ZC3HAV1L: variants seen among roughly 807,000 people sequenced by gnomAD.
The protein encoded by ZC3HAV1L is ZC3HAV1 like.
A neutral mutation model predicts 28.2 loss-of-function variants in ZC3HAV1L; 23 were observed. That is an observed-to-expected ratio of 0.82 (90% CI 0.59 to 1.16). The LOEUF is 1.16. ZC3HAV1L is among the 50% of genes most tolerant of loss of function. ZC3HAV1L has a pLI of 0.00. For missense variants in ZC3HAV1L, 376 were observed against 387.7 expected (o/e 0.97, Z 0.25); for synonymous variants, 180 against 163.4 (o/e 1.10, Z -0.78).
At position 139,035,662 on chromosome 7, in the gene ZC3HAV1L, C is replaced by T; in HGVS notation, c.356G>A (p.Arg119Gln). Reference sequence around the variant, plus strand: ...GCCGCCGCCTTCTCACCAGCAGTCCCGGTTGGGGCACTTGCCCAGCATGTG... The same window carrying T: ...GCCGCCGCCTTCTCACCAGCAGTCCTGGTTGGGGCACTTGCCCAGCATGTG... ...RRHMLGKCPNRDCWSTCTLSH... is the reference protein window; with the variant it reads ...RRHMLGKCPNQDCWSTCTLSH... Residue 119 changes from arginine (R) to glutamine (Q), a missense_variant, in exon 1 of 5, where the codon CGG (arginine) becomes CAG (glutamine). Transcript: ENST00000275766. The T allele has an allele frequency of 1.5e-5, 22 of 1,452,926 alleles. No individual in the cohort carries two copies. Among genetic ancestry groups the T allele is most frequent in the Non-Finnish European group, 2.0e-5 (22 of 1,111,706 alleles). The allele number at this position is 1,452,926 out of a possible 1,614,324, so 90.0% of individuals were successfully genotyped here. A position where few individuals can be genotyped will look rare whatever the true frequency, so the allele number is the denominator to read the frequency against.
intron 3 of ZC3HAV1L, among the ~76,000 whole-genome samples, chr7:139,028,298 G>A (rs980264299): frequency 1.3e-5 from 2 of 151,368 alleles, no homozygotes; most frequent in Non-Finnish European, 1.5e-5. Context: ...GCTTGAACCC[G>A]GGAGGCAGAG....
At chr7:139,033,758 T>C (rs1156735200) in intron 2 of ZC3HAV1L, 2 of 985,268 alleles carry the variant, frequency 2.0e-6, no homozygotes, top group Non-Finnish European at 2.4e-6. Context: ...CAAAAAGTAC[T>C]ATAAAATTAA....
intron 2 of ZC3HAV1L, among the ~76,000 whole-genome samples, chr7:139,033,511 C>T (rs1815598059): frequency 6.6e-6 from 1 of 152,132 alleles, no homozygotes; most frequent in African/African-American, 2.4e-5. Flanking sequence ...CCCTGCTGCC[C>T]ACATGATCAC....
At chr7:139,022,284 C>T, downstream of ZC3HAV1L, 1 of 242,652 alleles carries the variant, frequency 4.1e-6, no homozygotes, top group South Asian at 4.4e-5. Context: ...TGGCTCATGC[C>T]TGTAATCCCA....
At position 139,035,640 on chromosome 7, in the gene ZC3HAV1L, G is replaced by C. The variant is rs748680843; in HGVS notation, c.365+13C>G. The stretch of plus-strand genomic sequence containing the variant: ...CCAGCGCCCACAGTCCCCGCCCGCC[G>C]CCGCCTTCTCACCAGCAGTCCCGGT... On this transcript the variant is annotated intron_variant, in intron 1 of 4. Coordinates refer to ENST00000275766, the MANE Select transcript of ZC3HAV1L (RefSeq NM_080660.4). The C allele has an allele frequency of 1.4e-6, 2 of 1,393,220 alleles. No individual in the cohort carries two copies. Among genetic ancestry groups the C allele is most frequent in the East Asian group, 6.1e-5 (2 of 33,046 alleles). The allele number at this position is 1,393,220 out of a possible 1,614,324, so 86.3% of individuals were successfully genotyped here.
intron 2 of ZC3HAV1L, among the ~76,000 whole-genome samples, chr7:139,029,420 T>C (rs763856324): frequency 6.6e-6 from 1 of 152,216 alleles, no homozygotes; most frequent in Non-Finnish European, 1.5e-5. Flanking sequence ...GGGGAAAGCC[T>C]GATGATAGTG....
At chr7:139,024,396 T>C (rs1284214854), downstream of ZC3HAV1L, among the ~76,000 whole-genome samples, 3 of 152,194 alleles carry the variant, frequency 2.0e-5, no homozygotes, top group Non-Finnish European at 4.4e-5. Context: ...AGCAAGTCTC[T>C]CAATGTAAAG....
downstream of ZC3HAV1L, among the ~76,000 whole-genome samples, chr7:139,022,653 CT>C (rs1369631143): frequency 7.2e-5 from 11 of 152,202 alleles, no homozygotes; most frequent in Admixed American, 2.0e-4. Flanking sequence ...TATGTCTTCA[CT>C]ACCAAGTGTT....
intron 1 of ZC3HAV1L, chr7:139,035,252 C>G: frequency 1.0e-6 from 1 of 985,426 alleles, no homozygotes; most frequent in Non-Finnish European, 1.2e-6. Context: ...TATGGGGGAG[C>G]AGCGATTTCC....
intron 2 of ZC3HAV1L, among the ~76,000 whole-genome samples, chr7:139,031,904 C>CA (rs946983877): frequency 2.0e-5 from 3 of 151,934 alleles, no homozygotes; most frequent in African/African-American, 7.2e-5. Flanking sequence ...GATTCCATCT[C>CA]AAAAAAACAA....
downstream of ZC3HAV1L, among the ~76,000 whole-genome samples, chr7:139,023,204 A>AG (rs1815283901): frequency 6.7e-6 from 1 of 150,032 alleles, no homozygotes; most frequent in Non-Finnish European, 1.5e-5. Context: ...AAAAAAAAAC[A>AG]GGGAATATCA....
At position 139,026,493 on chromosome 7, in the gene ZC3HAV1L, C is replaced by A; in HGVS notation, c.*51G>T. The A allele has an allele frequency of 6.2e-7, 1 of 1,610,266 alleles. No individual in the cohort carries two copies. Among genetic ancestry groups the A allele is most frequent in the Non-Finnish European group, 8.5e-7 (1 of 1,179,228 alleles). On this transcript the variant is annotated 3_prime_UTR_variant, in exon 5 of 5. Coordinates refer to ENST00000275766, the MANE Select transcript of ZC3HAV1L (RefSeq NM_080660.4). ...ATGTCCCACCCCATCCCCAACCACC[C>A]ATGCCCAAATGTATTCTTCCAAAAG...
At chr7:139,025,157 G>A (rs566988658), downstream of ZC3HAV1L, among the ~76,000 whole-genome samples, 5 of 152,252 alleles carry the variant, frequency 3.3e-5, no homozygotes, top group South Asian at 1.0e-3. Flanking sequence ...TAAAAGCTCA[G>A]CAAGAAATGA....
intron 1 of ZC3HAV1L, 83 bp downstream of exon 1, chr7:139,035,570 C>T (rs974005534): frequency 4.4e-5 from 59 of 1,341,024 alleles, no homozygotes; most frequent in Non-Finnish European, 4.9e-5. Flanking sequence ...GACGAAGCCC[C>T]CCTTCCCGTC....
rs781207716 is a variant in ZC3HAV1L, at chr7:139,026,728, G to A, written c.866C>T (p.Ser289Leu). 42 of 1,613,940 alleles carry A rather than the reference G, an allele frequency of 2.6e-5. No individual in the cohort carries two copies. Among genetic ancestry groups the A allele is most frequent in the East Asian group, 6.7e-5 (3 of 44,902 alleles). The stretch of plus-strand genomic sequence containing the variant: ...TTTACCTGGGCAGGGCTTCTTGGCC[G>A]ACTGAGCAGGGACAGAAGCCAGAGG... Reference protein sequence around the residue: ...AGPLASVPAQSAKKPCPVSCE... With the variant: ...AGPLASVPAQLAKKPCPVSCE... Residue 289 changes from serine to leucine, a missense_variant, in exon 4 of 5, where the codon TCG (serine) becomes TTG (leucine). Transcript: ENST00000275766.
In ZC3HAV1L at chr7:139,034,698, G is replaced by A. The variant is rs751447692; in HGVS notation, c.366-20C>T. ...GTAGACCTAAAAGAACAAAGCCCTC[G>A]GTCAGATGCCCAGGTGAAGAAGGAC... On this transcript the variant is annotated intron_variant, in intron 1 of 4. Coordinates refer to ENST00000275766, the MANE Select transcript of ZC3HAV1L (RefSeq NM_080660.4). The A allele has an allele frequency of 3.1e-6, 5 of 1,612,812 alleles. No individual in the cohort carries two copies. The highest frequency in any genetic ancestry group is 1.6e-4 in the Middle Eastern group (1 of 6,070).
In ZC3HAV1L at chr7:139,026,772, A is replaced by C. The variant is rs769412466; in HGVS notation, c.822T>G (p.Ala274=). 6.2e-7 allele frequency: 1 copy of C among 1,614,220 alleles called. No homozygotes were observed. The highest frequency in any genetic ancestry group is 8.5e-7 in the Non-Finnish European group (1 of 1,180,036). The change falls in exon 4 of 5, where the codon GCT becomes GCG. Residue 274 remains alanine, a synonymous_variant. Coordinates refer to ENST00000275766, the MANE Select transcript of ZC3HAV1L (RefSeq NM_080660.4). ...CCAGAGGACCAGCTTCTGCAGCTCC[A>C]GCTGCGTGCACTCCTTGCTTCTCAA... ...QGLEKQGVHA[A]GAAEAGPLAS... is the part of the protein sequence containing the mutation.
In ZC3HAV1L at chr7:139,028,920, T is replaced by A. The variant is rs1411678561; in HGVS notation, c.542A>T (p.Tyr181Phe). The A allele has an allele frequency of 5.6e-6, 9 of 1,614,060 alleles. No homozygotes were observed. In the Admixed American group the frequency reaches 1.0e-4, roughly 18 times the overall value. Residue 181 changes from tyrosine (Y) to phenylalanine (F), a missense_variant, in exon 3 of 5, where the codon TAC becomes TTC. By Grantham distance (22) the Tyr-to-Phe change is conservative. Coordinates refer to ENST00000275766, the MANE Select transcript of ZC3HAV1L (RefSeq NM_080660.4). ...LYNKGEALYGYCNLKDKCNKF... is the reference protein window; with the variant it reads ...LYNKGEALYGFCNLKDKCNKF... The stretch of plus-strand genomic sequence containing the variant: ...GTTGCATTTATCCTTGAGGTTGCAG[T>A]AGCCATACAGGGCTTCCCCTTTGTT...
chr7:139,034,600 G>A lies in ZC3HAV1L; in HGVS notation c.444C>T (p.Leu148=), dbSNP rs1454703125. The A allele has an allele frequency of 6.2e-7, 1 of 1,614,054 alleles. No individual in the cohort carries two copies. Among genetic ancestry groups the A allele is most frequent in the Non-Finnish European group, 8.5e-7 (1 of 1,179,994 alleles). Residue 148 remains leucine (L), a synonymous_variant, in exon 2 of 5, where the codon CTC becomes CTT. Coordinates refer to ENST00000275766, the MANE Select transcript of ZC3HAV1L (RefSeq NM_080660.4). ...QVLKSHGLFG[L]NENQLRILLL... is the part of the protein sequence containing the mutation. ...GCAGGATCCGAAGCTGGTTTTCATT[G>A]AGACCAAAAAGTCCATGGCTTTTCA...
Sources: gnomAD v4.1 joint callset for allele counts (sites outside exome capture counted in the v4.1 genomes callset) on GRCh38, gnomAD v4.1.1 for gene constraint, MANE v1.5 for transcripts, NCBI Gene and HGNC (gene_info 2026-07-23, HGNC 2026-07-21) for gene names.